The following ADCY2 variants were observed in gnomAD, a reference collection of about 807,000 sequenced individuals.
ADCY2 encodes the protein adenylate cyclase type 2.
ADCY2 carries 31 observed loss-of-function variants against 125.2 expected under a neutral mutation model. The observed-to-expected ratio is 0.25, with a 90% CI of 0.19 to 0.33. ADCY2 has a LOEUF of 0.33. Among genes scored for constraint, ADCY2 ranks in the 10% least tolerant of loss-of-function variants. The pLI is 1.00. For synonymous variants in ADCY2, 512 were observed against 548.4 expected (o/e 0.93, Z 0.93); for missense variants, 904 against 1,418.2 (o/e 0.64, Z 5.82).
At chr5:7,580,037 C>T (rs1027185059) in intron 3 of ADCY2, among the ~76,000 whole-genome samples, 5 of 152,088 alleles carry the variant, frequency 3.3e-5, no homozygotes, top group Non-Finnish European at 7.4e-5. Context: ...AACAAACATT[C>T]TCAGTAATAA....
At chr5:7,697,913 A>G (rs182966703) in intron 6 of ADCY2, among the ~76,000 whole-genome samples, 222 of 152,318 alleles carry the variant, frequency 1.5e-3, no homozygotes, top group African/African-American at 4.9e-3. Context: ...AGAATGTTTT[A>G]TTTCACCCTT....
intron 16 of ADCY2, among the ~76,000 whole-genome samples, chr5:7,761,831 A>G (rs144233848): frequency 1.4e-3 from 220 of 152,326 alleles, no homozygotes; most frequent in African/African-American, 5.2e-3. Context: ...ATCATTTAGG[A>G]GGAGACATTC....
intron 16 of ADCY2, among the ~76,000 whole-genome samples, chr5:7,766,428 G>C (rs1001232688): frequency 6.6e-6 from 1 of 152,148 alleles, no homozygotes; most frequent in African/African-American, 2.4e-5. Context: ...CCTCTGCCCA[G>C]AGCTTTGTGT....
chr5:7,515,677 A>C (rs1744228829), intron 2 of ADCY2, among the ~76,000 whole-genome samples: 1 of 152,198 alleles, frequency 6.6e-6, no homozygotes, highest in Non-Finnish European at 1.5e-5. Flanking sequence ...GTAGATGCTA[A>C]TGAGGTGGTC....
At chr5:7,542,021 A>G (rs559774319) in intron 3 of ADCY2, among the ~76,000 whole-genome samples, 2 of 152,224 alleles carry the variant, frequency 1.3e-5, no homozygotes, top group Admixed American at 6.5e-5. Flanking sequence ...CACTTTACAC[A>G]TCCTGACTCA....
At chr5:7,441,326 G>T (rs1741005486) in intron 2 of ADCY2, among the ~76,000 whole-genome samples, 1 of 152,046 alleles carries the variant, frequency 6.6e-6, no homozygotes, top group Non-Finnish European at 1.5e-5. Context: ...CCTAAACTGG[G>T]GTATAACAAG....
At chr5:7,409,867 G>A (rs1054948011) in intron 1 of ADCY2, among the ~76,000 whole-genome samples, 7 of 152,052 alleles carry the variant, frequency 4.6e-5, no homozygotes, top group African/African-American at 1.4e-4. Flanking sequence ...TAGTTTTATA[G>A]ATGTTTAAAA....
chr5:7,765,544 G>C (rs547560883), intron 16 of ADCY2, among the ~76,000 whole-genome samples: 6 of 151,996 alleles, frequency 3.9e-5, no homozygotes, highest in African/African-American at 9.7e-5. Flanking sequence ...ACCGTATCTC[G>C]TATCTCTATT....
At chr5:7,553,596 G>A (rs1009933510) in intron 3 of ADCY2, among the ~76,000 whole-genome samples, 1 of 152,244 alleles carries the variant, frequency 6.6e-6, no homozygotes, top group Non-Finnish European at 1.5e-5. Flanking sequence ...TTGGGCCTGG[G>A]TAATGATTTT....
intron 18 of ADCY2, among the ~76,000 whole-genome samples, chr5:7,776,350 G>A (rs952408733): frequency 1.3e-5 from 2 of 152,144 alleles, no homozygotes; most frequent in Non-Finnish European, 2.9e-5. Context: ...TGCCATTGAA[G>A]TCACGGCATT....
At chr5:7,448,532 T>C (rs540194150) in intron 2 of ADCY2, among the ~76,000 whole-genome samples, 20 of 152,256 alleles carry the variant, frequency 1.3e-4, no homozygotes, top group South Asian at 4.1e-4. Context: ...GCAGGTTTGT[T>C]ACACAGGTGA....
chr5:7,633,365 G>C (rs1738390013), intron 4 of ADCY2, among the ~76,000 whole-genome samples: 1 of 151,514 alleles, frequency 6.6e-6, no homozygotes, highest in African/African-American at 2.4e-5. Flanking sequence ...GAACCCGGGA[G>C]GCAGAGGTTG....
Position 7,709,662 on chromosome 5 carries a change from A to G in ADCY2, c.1578+275A>G, listed in dbSNP as rs1258696992. On this transcript the variant is annotated intron_variant, in intron 10 of 24. Coordinates refer to ENST00000338316, the MANE Select transcript of ADCY2 (RefSeq NM_020546.3). The surrounding 1 kb of genome is among the most constrained non-coding windows in gnomAD (Gnocchi z 4.4). ...CTGATAGTAGCAATTAAATACAACT[A>G]TTTATTAATTGAGGGGTTTTTTAAG... 6.6e-6 allele frequency among the ~76,000 whole-genome samples: 1 copy of G among 152,248 alleles called. No individual in the cohort carries two copies. The highest frequency in any genetic ancestry group is 1.5e-5 in the Non-Finnish European group (1 of 68,042).
chr5:7,813,498 C>G (rs76156423), intron 22 of ADCY2, among the ~76,000 whole-genome samples: 1 of 152,190 alleles, frequency 6.6e-6, no homozygotes, highest in Non-Finnish European at 1.5e-5. Context: ...AGCGAGTAGT[C>G]TCTGTGTAGC....
At chr5:7,537,469 C>A (rs1243521924) in intron 3 of ADCY2, among the ~76,000 whole-genome samples, 1 of 152,144 alleles carries the variant, frequency 6.6e-6, no homozygotes, top group Non-Finnish European at 1.5e-5. Context: ...TCAATGGAGA[C>A]CCACTTGTCG....
intron 4 of ADCY2, among the ~76,000 whole-genome samples, chr5:7,639,412 G>T (rs1738618549): frequency 6.6e-6 from 1 of 152,330 alleles, no homozygotes; most frequent in Middle Eastern, 3.4e-3. Flanking sequence ...GACACCTGTT[G>T]CTGCTTTCTC....
chr5:7,533,126 C>T (rs1457977152), intron 3 of ADCY2, among the ~76,000 whole-genome samples: 1 of 149,836 alleles, frequency 6.7e-6, no homozygotes, highest in Non-Finnish European at 1.5e-5. Flanking sequence ...TACATATATG[C>T]ATATACACAC....
intron 3 of ADCY2, among the ~76,000 whole-genome samples, chr5:7,529,724 T>C (rs1385222753): frequency 1.3e-5 from 2 of 152,246 alleles, no homozygotes; most frequent in East Asian, 1.9e-4. Context: ...CAGCTGGCTT[T>C]CAGCCATCAG....
intron 3 of ADCY2, among the ~76,000 whole-genome samples, chr5:7,606,666 AC>A (rs1432457883): frequency 2.0e-5 from 3 of 152,166 alleles, no homozygotes; most frequent in Non-Finnish European, 2.9e-5. Flanking sequence ...TACTCAGCAA[AC>A]AAAGGAACAA....
Sources: allele counts gnomAD v4.1 joint callset (sites outside exome capture counted in the v4.1 genomes callset), GRCh38; gene constraint gnomAD v4.1.1; non-coding constraint Gnocchi (gnomAD v3.1); transcripts MANE v1.5; gene names NCBI Gene and HGNC (gene_info 2026-07-23, HGNC 2026-07-21).